Variants in ALK observed in about 807,000 individuals in gnomAD.
ALK encodes ALK tyrosine kinase receptor.
ALK carries 74 observed loss-of-function variants against 163.1 expected under a neutral mutation model. That is an observed-to-expected ratio of 0.45 (90% CI 0.38 to 0.55). ALK has a LOEUF of 0.55. Among genes scored for constraint, ALK ranks in the 20% least tolerant of loss-of-function variants. The pLI, the probability that ALK is intolerant of heterozygous loss-of-function variation, is 0.00. For missense variants in ALK, 2,063 were observed against 2,105.3 expected, an observed-to-expected ratio of 0.98 and a Z score of 0.39; for synonymous variants, 960 against 843.2, an observed-to-expected ratio of 1.14 and a Z score of -2.40.
chr2:29,586,456 C>T (rs1674891970), intron 3 of ALK, among the ~76,000 whole-genome samples: 1 of 151,990 alleles, frequency 6.6e-6, no homozygotes, highest in African/African-American at 2.4e-5. Flanking sequence ...TCTTTTAGGT[C>T]TCAAAAAAAT....
At chr2:29,644,235 CTGGGGCCTGT>C (rs1371304092) in intron 3 of ALK, among the ~76,000 whole-genome samples, 2 of 115,930 alleles carry the variant, frequency 1.7e-5, no homozygotes, top group African/African-American at 7.1e-5. Flanking sequence ...ACATCACACA[CTGGGGCCTGT>C]TGCGGGGTGG....
chr2:29,294,431 A>G (rs1666123516), intron 9 of ALK, among the ~76,000 whole-genome samples: 1 of 152,166 alleles, frequency 6.6e-6, no homozygotes, highest in Non-Finnish European at 1.5e-5. Context: ...TTAGGTGGGG[A>G]GATATTGTCA....
intron 3 of ALK, among the ~76,000 whole-genome samples, chr2:29,675,917 C>T (rs745558224): frequency 1.3e-5 from 2 of 152,030 alleles, no homozygotes; most frequent in South Asian, 2.1e-4. Flanking sequence ...GTAGAGATGG[C>T]ACCCCTCTAT....
chr2:29,556,783 T>C (rs954717791), intron 3 of ALK, among the ~76,000 whole-genome samples: 1 of 152,224 alleles, frequency 6.6e-6, no homozygotes, highest in South Asian at 2.1e-4. Flanking sequence ...TTTCTAGGTT[T>C]CTCAAGGCTT....
chr2:29,875,749 A>G (rs557237082), intron 1 of ALK, among the ~76,000 whole-genome samples: 46 of 151,810 alleles, frequency 3.0e-4, no homozygotes, highest in African/African-American at 1.1e-3. Flanking sequence ...ATGTCCCTGC[A>G]AAAGACATGA....
rs114195757 is a variant in ALK, at chr2:29,765,840, C to T, written c.668-48143G>A. On this transcript the variant is annotated intron_variant, in intron 1 of 28. Transcript: ENST00000389048. Reference sequence around the variant, plus strand: ...CCTTATTTGTAGTATTTGGCAATTTCCATAATAAATACTTCCACTTGGCTT... The same window carrying T: ...CCTTATTTGTAGTATTTGGCAATTTTCATAATAAATACTTCCACTTGGCTT... Among the ~76,000 whole-genome samples the T allele has an allele frequency of 3.1e-3, 473 of 152,150 alleles. 6 individuals are homozygous for T. Among genetic ancestry groups the T allele is most frequent in the African/African-American group, 9.3e-3 (388 of 41,516 alleles).
chr2:29,366,165 C>T (rs988239263), intron 5 of ALK, among the ~76,000 whole-genome samples: 25 of 152,154 alleles, frequency 1.6e-4, no homozygotes, highest in African/African-American at 5.8e-4. Context: ...GGCCCCAAAA[C>T]CTAGATTTGT....
At chr2:29,905,073 C>A (rs1667504589) in intron 1 of ALK, among the ~76,000 whole-genome samples, 1 of 152,206 alleles carries the variant, frequency 6.6e-6, no homozygotes, top group African/African-American at 2.4e-5. Flanking sequence ...GGTTGTGGGT[C>A]CTTCTCCAGA....
rs1665296732 is a variant in ALK, at chr2:29,268,514, G to C, written c.2041+6585C>G. Among the ~76,000 whole-genome samples, 6 of 152,250 alleles carry C rather than the reference G, an allele frequency of 3.9e-5. No homozygotes were observed. In the South Asian group the frequency reaches 1.2e-3, roughly 32 times the overall value. ...GCTCGTTCACAGCCTCAGAGCCCCA[G>C]GCCCCTGCATAGGGTTTGGCACAGA... is the stretch of plus-strand genomic sequence containing the variant. On this transcript the variant is annotated intron_variant, in intron 11 of 28. Transcript: ENST00000389048.
At chr2:29,494,625 CCTGGAACA>C (rs1671980921) in intron 4 of ALK, among the ~76,000 whole-genome samples, 1 of 152,150 alleles carries the variant, frequency 6.6e-6, no homozygotes, top group African/African-American at 2.4e-5. Flanking sequence ...GGTAACCCAG[CCTGGAACA>C]TAAAGGGGTG....
chr2:29,215,888 G>A (rs546935845), intron 23 of ALK, among the ~76,000 whole-genome samples: 11 of 152,310 alleles, frequency 7.2e-5, no homozygotes, highest in Admixed American at 2.0e-4. Flanking sequence ...TGACAGTGGC[G>A]TGGGACTGTC....
intron 15 of ALK, among the ~76,000 whole-genome samples, chr2:29,231,803 T>C (rs1664215703): frequency 1.3e-5 from 2 of 152,240 alleles, no homozygotes; most frequent in Admixed American, 6.5e-5. Context: ...CTCACATTTC[T>C]GTGCTTCTGG....
At chr2:29,869,049 A>G (rs951036384) in intron 1 of ALK, among the ~76,000 whole-genome samples, 1 of 152,082 alleles carries the variant, frequency 6.6e-6, no homozygotes, top group Non-Finnish European at 1.5e-5. Context: ...AACGTCTTTC[A>G]CCCATCCCCC....
chr2:29,434,413 T>C (rs1221270597), intron 4 of ALK, among the ~76,000 whole-genome samples: 1 of 152,210 alleles, frequency 6.6e-6, no homozygotes, highest in African/African-American at 2.4e-5. Context: ...ATCAAATTCA[T>C]ATTGATTGTT....
At chr2:29,908,203 G>T (rs1667600840) in intron 1 of ALK, among the ~76,000 whole-genome samples, 1 of 152,002 alleles carries the variant, frequency 6.6e-6, no homozygotes, top group Admixed American at 6.6e-5. Context: ...GACACAAAAA[G>T]CCAGGCTAAC....
At chr2:29,203,606 C>A (rs937584620) in intron 26 of ALK, among the ~76,000 whole-genome samples, 1 of 147,096 alleles carries the variant, frequency 6.8e-6, no homozygotes, top group Non-Finnish European at 1.5e-5. Context: ...CTGGCCTCAT[C>A]CTCCCAAGTA....
intron 1 of ALK, among the ~76,000 whole-genome samples, chr2:29,763,764 C>G (rs938369597): frequency 1.3e-5 from 2 of 152,140 alleles, no homozygotes; most frequent in African/African-American, 4.8e-5. Context: ...CCTGAGATTC[C>G]TGAAACCTTA....
At chr2:29,888,881 T>TG (rs1403695068) in intron 1 of ALK, among the ~76,000 whole-genome samples, 1 of 152,182 alleles carries the variant, frequency 6.6e-6, no homozygotes, top group Non-Finnish European at 1.5e-5. Context: ...TTCTGACTCC[T>TG]GGGGAACTCG....
rs142915917 is a variant in ALK at position 29,227,252 on chromosome 2, G to A, written c.2915-178C>T. Among the ~76,000 whole-genome samples the A allele has an allele frequency of 9.8e-5, 15 of 152,312 alleles. No individual in the cohort carries two copies. The East Asian group carries it at 1.3e-3, about 14-fold the overall frequency. Reference sequence around the variant, plus strand: ...TTCCTGTGCATATAGAGAGTGCAGCGGAGGCAGCGGGCATGGGTGTCTATG... The same window carrying A: ...TTCCTGTGCATATAGAGAGTGCAGCAGAGGCAGCGGGCATGGGTGTCTATG... On this transcript the variant is annotated intron_variant, in intron 17 of 28. Coordinates refer to ENST00000389048, the MANE Select transcript of ALK (RefSeq NM_004304.5). This position sits in a 1 kb window ranked among gnomAD's most constrained non-coding sequence, Gnocchi z 4.4.
Sources: allele counts gnomAD v4.1 joint callset (sites outside exome capture counted in the v4.1 genomes callset), GRCh38; gene constraint gnomAD v4.1.1; non-coding constraint Gnocchi (gnomAD v3.1); transcripts MANE v1.5; gene names NCBI Gene and HGNC (gene_info 2026-07-23, HGNC 2026-07-21).